ZNF844: variants seen among roughly 807,000 people sequenced by gnomAD.
The protein encoded by ZNF844 is zinc finger protein 844.
Under a neutral mutation model 11.4 loss-of-function variants are expected in ZNF844, and 11 were observed. That is an observed-to-expected ratio of 0.97 (90% CI 0.61 to 1.60). The LOEUF (loss-of-function observed/expected upper bound fraction) is 1.60, where lower values mean the gene tolerates loss of function less well. Ranked by LOEUF, ZNF844 falls within the 40% of genes most tolerant of loss-of-function variation. The pLI is 0.00. For synonymous variants in ZNF844, 248 were observed against 260.3 expected, an observed-to-expected ratio of 0.95 and a Z score of 0.46; for missense variants, 790 against 796.8, an observed-to-expected ratio of 0.99 and a Z score of 0.10.
chr19:12,080,358 A>G lies in ZNF844; in HGVS notation c.*3237A>G, dbSNP rs926179427. 4.0e-5 allele frequency: 15 copies of G among 378,754 alleles called. No homozygotes were observed. The highest frequency in any genetic ancestry group is 5.1e-5 in the Non-Finnish European group (10 of 196,856). 23.5% of individuals were successfully genotyped at this position (378,754 alleles called of 1,614,324 possible). On this transcript the variant is annotated 3_prime_UTR_variant, in exon 4 of 4. Transcript: ENST00000439326. ...CAAGACTCCGTCTCAAAAAAAAAAA[A>G]AAAAAAAAGAGAAGTCTGACAGGAC...
At chr19:12,065,015 C>A in intron 1 of ZNF844, 139 bp downstream of exon 1, 2 of 920,930 alleles carry the variant, frequency 2.2e-6, no homozygotes, top group Non-Finnish European at 3.1e-6. Context: ...GCCCCGCTGG[C>A]GCAGCTCGGC....
At position 12,076,497 on chromosome 19, in the gene ZNF844, G is replaced by C; in HGVS notation, c.1377G>C (p.Leu459=). The C allele has an allele frequency of 6.2e-7, 1 of 1,609,530 alleles. No individual in the cohort carries two copies. The highest frequency in any genetic ancestry group is 1.1e-5 in the South Asian group (1 of 90,538). ...GCAATGTGGGAAAGCCTTCAGATCT[G>C]CCTCACACCTTCAAATGCATGGAAG... ...SVSNVGKPSD[L]PHTFKCMEGL... Residue 459 remains leucine (L), a synonymous_variant, in exon 4 of 4, where the codon CTG becomes CTC. Coordinates refer to ENST00000439326, the MANE Select transcript of ZNF844 (RefSeq NM_001136501.3).
Position 12,075,866 on chromosome 19 carries a change from G to A in ZNF844, c.746G>A (p.Gly249Glu). The A allele has an allele frequency of 6.2e-7, 1 of 1,611,742 alleles. No individual in the cohort carries two copies. Among genetic ancestry groups the A allele is most frequent in the Non-Finnish European group, 8.5e-7 (1 of 1,178,940 alleles). The change falls in exon 4 of 4, where the codon GGA becomes GAA. Residue 249 changes from glycine to glutamate, a missense_variant. By Grantham distance (98) the Gly-to-Glu change is moderately conservative (BLOSUM62 -2). Around this residue, in one of 3 missense-constraint regions of ZNF844, gnomAD observed 657 missense variants for 636.2 expected, o/e 1.03. Coordinates refer to ENST00000439326, the MANE Select transcript of ZNF844 (RefSeq NM_001136501.3). ...SLQIHERTHT[G>E]EKPYECKECG... ...CAAATACATGAAAGAACTCACACTG[G>A]AGAGAAGCCTTATGAATGTAAGGAA...
rs61413798 is a variant in ZNF844, at chr19:12,080,346, C to CAAAAA, written c.*3241_*3245dup. On this transcript the variant is annotated 3_prime_UTR_variant, in exon 4 of 4. Coordinates refer to ENST00000439326, the MANE Select transcript of ZNF844 (RefSeq NM_001136501.3). The stretch of plus-strand genomic sequence containing the variant: ...GCGGCGACAGAGCAAGACTCCGTCT[C>CAAAAA]AAAAAAAAAAAAAAAAAAAAGAGAA... 228 of 172,826 alleles carry CAAAAA rather than the reference C, an allele frequency of 1.3e-3. No homozygotes were observed. Among genetic ancestry groups the CAAAAA allele is most frequent in the South Asian group, 3.0e-3 (71 of 23,808 alleles). 10.7% of individuals were successfully genotyped at this position (172,826 alleles called of 1,614,324 possible).
Position 12,080,415 on chromosome 19 carries a change from C to A in ZNF844, c.*3294C>A. The A allele has an allele frequency of 2.7e-6, 1 of 374,882 alleles. No individual in the cohort carries two copies. The highest frequency in any genetic ancestry group is 5.1e-6 in the Non-Finnish European group (1 of 195,396). 23.2% of individuals were successfully genotyped at this position (374,882 alleles called of 1,614,324 possible). ...ATTTAGAAATGGAGTTGGAGGATGT[C>A]ATAATACAATTCACCAGTGTCCTAT... On this transcript the variant is annotated 3_prime_UTR_variant, in exon 4 of 4. Transcript: ENST00000439326.
At chr19:12,071,347 C>T (rs1006063218) in intron 1 of ZNF844, among the ~76,000 whole-genome samples, 8 of 152,088 alleles carry the variant, frequency 5.3e-5, no homozygotes, top group Admixed American at 3.3e-4. Context: ...ACATCATATA[C>T]GTTTTTGTTA....
intron 1 of ZNF844, 64 bp downstream of exon 1, chr19:12,064,940 A>G: frequency 2.0e-6 from 3 of 1,529,686 alleles, no homozygotes; most frequent in Admixed American, 2.0e-5. Flanking sequence ...GCTGGTTGGA[A>G]CTGGCTGGAA....
rs1167339010 is a variant in ZNF844 at position 12,079,836 on chromosome 19, C to T, written c.*2715C>T. 1 of 151,670 alleles carries T rather than the reference C, an allele frequency of 6.6e-6. No homozygotes were observed. Among genetic ancestry groups the T allele is most frequent in the Non-Finnish European group, 1.5e-5 (1 of 68,434 alleles). 9.4% of individuals were successfully genotyped at this position (151,670 alleles called of 1,614,324 possible). ...TGGCACATGCCTGTAATCCCAGCTA[C>T]ATGGGAGACTGAGGCAGGAGAATTG... On this transcript the variant is annotated 3_prime_UTR_variant, in exon 4 of 4. Transcript: ENST00000439326.
In ZNF844 at chr19:12,074,159, T is replaced by A; in HGVS notation, c.130+2T>A. 6.2e-7 allele frequency: 1 copy of A among 1,613,398 alleles called. No individual in the cohort carries two copies. Among genetic ancestry groups the A allele is most frequent in the Non-Finnish European group, 8.5e-7 (1 of 1,179,602 alleles). On this transcript the variant is annotated splice_donor_variant, in intron 2 of 3. Transcript: ENST00000439326. LOFTEE classifies it high-confidence loss of function. ...CCTTGAGGAATCTGGCCTCCATAGG[T>A]AAGAATGACAGTATTACGTCCCCCA...
rs760621091 is a variant in ZNF844, at chr19:12,076,425, C to G, written c.1305C>G (p.Phe435Leu). The G allele has an allele frequency of 1.9e-6, 3 of 1,609,774 alleles. No individual in the cohort carries two copies. The African/African-American group carries it at 4.0e-5, about 22-fold the overall frequency. ...VVKPSFLPLP[F>L]DIMKGLTLER... Reference sequence around the variant, plus strand: ...AGCCTTCATTTCTTCCACTTCCTTTCGATATCATGAAAGGACTCACACTGG... The same window carrying G: ...AGCCTTCATTTCTTCCACTTCCTTTGGATATCATGAAAGGACTCACACTGG... Residue 435 changes from phenylalanine (F) to leucine (L), a missense_variant, in exon 4 of 4, where the codon TTC (phenylalanine) becomes TTG (leucine). Coordinates refer to ENST00000439326, the MANE Select transcript of ZNF844 (RefSeq NM_001136501.3).
Position 12,077,591 on chromosome 19 carries a change from A to G in ZNF844, c.*470A>G, listed in dbSNP as rs765429557. On this transcript the variant is annotated 3_prime_UTR_variant, in exon 4 of 4. Coordinates refer to ENST00000439326, the MANE Select transcript of ZNF844 (RefSeq NM_001136501.3). ...GTAAAGCCTTCAGATCTGCCACTCA[A>G]CTTCAGATGCATAGAAAGATTCACA... is the stretch of plus-strand genomic sequence containing the variant. 26 of 568,372 alleles carry G rather than the reference A, an allele frequency of 4.6e-5. No homozygotes were observed. The highest frequency in any genetic ancestry group is 8.2e-5 in the Non-Finnish European group (24 of 291,042). 35.2% of individuals were successfully genotyped at this position (568,372 alleles called of 1,614,324 possible).
intron 1 of ZNF844, among the ~76,000 whole-genome samples, chr19:12,068,877 C>T (rs569809246): frequency 6.6e-6 from 1 of 152,240 alleles, no homozygotes; most frequent in African/African-American, 2.4e-5. Flanking sequence ...CCAGTGACTG[C>T]AAGCTAAGGT....
chr19:12,073,081 C>G (rs1197546924), intron 1 of ZNF844, among the ~76,000 whole-genome samples: 3 of 151,968 alleles, frequency 2.0e-5, no homozygotes, highest in African/African-American at 7.2e-5. Context: ...AGTGGGTGCA[C>G]TGGAGTTTTT....
intron 1 of ZNF844, among the ~76,000 whole-genome samples, chr19:12,066,416 C>T (rs914805534): frequency 2.6e-5 from 4 of 151,796 alleles, no homozygotes; most frequent in Non-Finnish European, 5.9e-5. Context: ...AATTCAGGCT[C>T]CTCATCGCTC....
In ZNF844 at chr19:12,074,143, A is replaced by T. The variant is rs1023080375; in HGVS notation, c.116A>T (p.Asn39Ile). 1.9e-6 allele frequency: 3 copies of T among 1,613,654 alleles called. No individual in the cohort carries two copies. In the African/African-American group the frequency reaches 4.0e-5, roughly 22 times the overall value. Reference sequence around the variant, plus strand: ...GAAGTGATGCAGGAAACCTTGAGGAATCTGGCCTCCATAGGTAAGAATGAC... The same window carrying T: ...GAAGTGATGCAGGAAACCTTGAGGATTCTGGCCTCCATAGGTAAGAATGAC... The part of the protein sequence containing the change: ...YREVMQETLR[N>I]LASIGEKWKD... Residue 39 changes from asparagine (N) to isoleucine (I), a missense_variant, in exon 2 of 4, where the codon AAT (asparagine) becomes ATT (isoleucine). Around this residue, in one of 3 missense-constraint regions of ZNF844, gnomAD observed 129 missense variants for 144.0 expected, o/e 0.90. Transcript: ENST00000439326.
chr19:12,076,238 T>C lies in ZNF844; in HGVS notation c.1118T>C (p.Leu373Ser), dbSNP rs756691430. The change falls in exon 4 of 4, where the codon TTG (leucine) becomes TCG (serine). Residue 373 changes from leucine to serine, a missense_variant. This residue lies in a region of ZNF844 where 657 missense variants were observed against 636.2 expected (regional missense o/e 1.03). Coordinates refer to ENST00000439326, the MANE Select transcript of ZNF844 (RefSeq NM_001136501.3). ...AAATGTAAGACTGTGGAAAAGCCTTTGATTCTCCCAGTTCGTTTTGAAGAC... is the reference window on the plus strand; with the variant it reads ...AAATGTAAGACTGTGGAAAAGCCTTCGATTCTCCCAGTTCGTTTTGAAGAC... ...PYKCKTVEKP[L>S]ILPVRFEDMK... is the part of the protein sequence containing the mutation. The C allele has an allele frequency of 6.2e-7, 1 of 1,608,126 alleles. No individual in the cohort carries two copies. Among genetic ancestry groups the C allele is most frequent in the Non-Finnish European group, 8.5e-7 (1 of 1,177,274 alleles).
In ZNF844 at chr19:12,076,991, T is replaced by C; in HGVS notation, c.1871T>C (p.Ile624Thr). Residue 624 changes from isoleucine (I) to threonine (T), a missense_variant, in exon 4 of 4, where the codon ATT (isoleucine) becomes ACT (threonine). Transcript: ENST00000439326. ...MNVRNAEKRS[I>T]IFLLCVYTKG... ...GTAAGGAATGCGGAAAAGCGTTCAATTATTTTTCTTCTTTGCGTATACACA... is the reference window on the plus strand; with the variant it reads ...GTAAGGAATGCGGAAAAGCGTTCAACTATTTTTCTTCTTTGCGTATACACA... 2 of 1,599,352 alleles carry C rather than the reference T, an allele frequency of 1.3e-6. No individual in the cohort carries two copies. The highest frequency in any genetic ancestry group is 1.7e-6 in the Non-Finnish European group (2 of 1,172,504).
At position 12,078,064 on chromosome 19, in the gene ZNF844, C is replaced by T. The variant is rs993429904; in HGVS notation, c.*943C>T. ...CAGGATGGTCTCAATCTCCTGACCT[C>T]GTGATCTGCCCGCCTCAGTCTCCCA... On this transcript the variant is annotated 3_prime_UTR_variant, in exon 4 of 4. Transcript: ENST00000439326. 7 of 159,412 alleles carry T rather than the reference C, an allele frequency of 4.4e-5. No homozygotes were observed. The highest frequency in any genetic ancestry group is 1.9e-4 in the East Asian group (1 of 5,318). 9.9% of individuals were successfully genotyped at this position (159,412 alleles called of 1,614,324 possible).
In ZNF844 at chr19:12,067,607, CAAAAAAAAAAAA is replaced by C. The variant is rs772282496; in HGVS notation, c.3+2747_3+2758del. On this transcript the variant is annotated intron_variant, in intron 1 of 3. Transcript: ENST00000439326. ...GGGCAACAAGAGTGAAACTCTGTCT[CAAAAAAAAAAAA>C]AAAAAAAAAAAAAAAGGCCGGGCGC... Among the ~76,000 whole-genome samples the C allele has an allele frequency of 3.2e-3, 120 of 37,442 alleles. 1 individual carries two copies. Among genetic ancestry groups the C allele is most frequent in the Middle Eastern group, 0.013 (1 of 76 alleles). 24.6% of individuals were successfully genotyped at this position (37,442 alleles called of 152,430 possible).
Sources: allele counts gnomAD v4.1 joint callset (sites outside exome capture counted in the v4.1 genomes callset), GRCh38; gene constraint gnomAD v4.1.1; regional missense constraint gnomAD v4.1.1; transcripts MANE v1.5; gene names NCBI Gene and HGNC (gene_info 2026-07-23, HGNC 2026-07-21).